The following TENM3 variants were observed in gnomAD, a reference collection of about 807,000 sequenced individuals.
The protein encoded by TENM3 is teneurin transmembrane protein 3.
A neutral mutation model predicts 255.1 loss-of-function variants in TENM3; 63 were observed. That is an observed-to-expected ratio of 0.25 (90% CI 0.20 to 0.30). TENM3 has a LOEUF of 0.30. Ranked by LOEUF, TENM3 falls within the 10% of genes least tolerant of loss-of-function variation. TENM3 has a pLI of 1.00. For missense variants in TENM3, 2,929 were observed against 3,461.1 expected, an observed-to-expected ratio of 0.85 and a Z score of 3.86; for synonymous variants, 1,306 against 1,322.3, an observed-to-expected ratio of 0.99 and a Z score of 0.27.
chr4:182,394,667 G>GC (rs1161165722), intron 3 of TENM3, among the ~76,000 whole-genome samples: 1 of 152,126 alleles, frequency 6.6e-6, no homozygotes, highest in Non-Finnish European at 1.5e-5. Context: ...TTCCACAGTT[G>GC]CTTGAAAATG....
At chr4:182,392,007 A>C (rs187936328) in intron 3 of TENM3, among the ~76,000 whole-genome samples, 3 of 152,346 alleles carry the variant, frequency 2.0e-5, no homozygotes, top group African/African-American at 4.8e-5. Flanking sequence ...CAGAGAATGG[A>C]ATCTGACTAG....
chr4:181,528,888 C>T, the TENM3 span, among the ~76,000 whole-genome samples: 1 of 142,482 alleles, frequency 7.0e-6, no homozygotes, highest in Non-Finnish European at 1.6e-5. Context: ...CACACACATA[C>T]ACACACACAC....
chr4:181,504,794 T>A, the TENM3 span, among the ~76,000 whole-genome samples: 3 of 152,244 alleles, frequency 2.0e-5, no homozygotes, highest in South Asian at 6.2e-4. Flanking sequence ...TTTGGACAGC[T>A]GTCTCCTATA....
At chr4:182,374,155 T>C (rs1456034937) in intron 3 of TENM3, among the ~76,000 whole-genome samples, 1 of 152,192 alleles carries the variant, frequency 6.6e-6, no homozygotes, top group East Asian at 1.9e-4. Context: ...TTTTTCATTA[T>C]TCTGGGCAGT....
the TENM3 span, among the ~76,000 whole-genome samples, chr4:181,982,626 C>G: frequency 1.3e-5 from 2 of 152,064 alleles, no homozygotes; most frequent in Non-Finnish European, 1.5e-5. Context: ...AGAGTTAATG[C>G]GGCTCCAAAA....
chr4:181,465,471 C>T, the TENM3 span, among the ~76,000 whole-genome samples: 1 of 152,154 alleles, frequency 6.6e-6, no homozygotes, highest in East Asian at 1.9e-4. Flanking sequence ...TATTCTTGAA[C>T]TTCTCTCCTT....
chr4:181,688,568 T>A, the TENM3 span, among the ~76,000 whole-genome samples: 2 of 152,174 alleles, frequency 1.3e-5, no homozygotes, highest in African/African-American at 4.8e-5. Flanking sequence ...TCACATCCCC[T>A]GCTGTGAAAA....
chr4:181,645,222 T>G, the TENM3 span, among the ~76,000 whole-genome samples: 1 of 152,186 alleles, frequency 6.6e-6, no homozygotes, highest in African/African-American at 2.4e-5. Flanking sequence ...TTGGAAGACC[T>G]CTTTGGGAGA....
the TENM3 span, among the ~76,000 whole-genome samples, chr4:181,928,957 T>G: frequency 6.6e-6 from 1 of 152,024 alleles, no homozygotes; most frequent in Non-Finnish European, 1.5e-5. Context: ...AGAAATAAAA[T>G]CCTTTACAGA....
the TENM3 span, among the ~76,000 whole-genome samples, chr4:181,660,020 T>C: frequency 2.0e-5 from 3 of 152,120 alleles, no homozygotes; most frequent in African/African-American, 4.8e-5. Context: ...TGGTCCTTCC[T>C]AGGAGAAAAG....
chr4:182,759,238 A>G (rs1453623571), intron 22 of TENM3, among the ~76,000 whole-genome samples: 2 of 152,082 alleles, frequency 1.3e-5, no homozygotes, highest in African/African-American at 4.8e-5. Context: ...GGCTCCCACC[A>G]CTCCTGGAAT....
the TENM3 span, among the ~76,000 whole-genome samples, chr4:181,940,625 T>C: frequency 6.6e-6 from 1 of 152,210 alleles, no homozygotes; most frequent in East Asian, 1.9e-4. Flanking sequence ...TGCAATTTTA[T>C]GATAGGGTGG....
chr4:181,887,114 T>G, the TENM3 span, among the ~76,000 whole-genome samples: 12 of 152,112 alleles, frequency 7.9e-5, no homozygotes, highest in Non-Finnish European at 1.5e-5. Flanking sequence ...TTCCCCTAAG[T>G]GCCAGTCTAA....
chr4:181,744,447 A>G, the TENM3 span, among the ~76,000 whole-genome samples: 1 of 152,188 alleles, frequency 6.6e-6, no homozygotes, highest in African/African-American at 2.4e-5. Flanking sequence ...TCCCACCAAC[A>G]GTGTAAAAGC....
At chr4:182,271,647 C>T (rs1388981980) in intron 1 of TENM3, among the ~76,000 whole-genome samples, 3 of 152,164 alleles carry the variant, frequency 2.0e-5, no homozygotes, top group Non-Finnish European at 2.9e-5. Context: ...TGTCTCGGAA[C>T]CTCAATCCTA....
In TENM3 at chr4:182,161,966, T is replaced by TACAC. The variant is rs1284397464; in HGVS notation, c.-76+17213_-76+17214insCACA. 1.1e-3 allele frequency among the ~76,000 whole-genome samples: 8 copies of TACAC among 7,100 alleles called. 2 individuals carry two copies. Among genetic ancestry groups the TACAC allele is most frequent in the Non-Finnish European group, 4.1e-3 (7 of 1,692 alleles). 4.7% of individuals were successfully genotyped at this position (7,100 alleles called of 152,430 possible). Reference sequence around the variant, plus strand: ...ATATTTGTGTGTGTGTGTGTATATATATATATATATATATATATATATATA... The same window carrying TACAC: ...ATATTTGTGTGTGTGTGTGTATATATACACATATATATATATATATATATATATA... On this transcript the variant is annotated intron_variant, in intron 1 of 2. Coordinates refer to the TENM3 transcript ENST00000512480.
At chr4:182,550,320 T>C (rs1741872689) in intron 3 of TENM3, among the ~76,000 whole-genome samples, 1 of 152,234 alleles carries the variant, frequency 6.6e-6, no homozygotes, top group Non-Finnish European at 1.5e-5. Flanking sequence ...TAGCTATTCT[T>C]ACAGACCTAT....
intron 1 of TENM3, among the ~76,000 whole-genome samples, chr4:182,224,754 T>TG (rs1271997689): frequency 6.6e-5 from 10 of 150,924 alleles, no homozygotes; most frequent in Non-Finnish European, 1.3e-4. Flanking sequence ...TTTTTTTTTT[T>TG]GAAGTGGAGT....
the TENM3 span, among the ~76,000 whole-genome samples, chr4:181,794,788 A>G: frequency 6.6e-6 from 1 of 151,866 alleles, no homozygotes; most frequent in African/African-American, 2.4e-5. Context: ...AATTTAGTGG[A>G]TGTAAGAAAA....
Sources: allele counts gnomAD v4.1 joint callset (sites outside exome capture counted in the v4.1 genomes callset), GRCh38; gene constraint gnomAD v4.1.1; transcripts MANE v1.5; gene names NCBI Gene and HGNC (gene_info 2026-07-23, HGNC 2026-07-21).